The following HKDC1 variants were observed in gnomAD, a reference collection of about 807,000 sequenced individuals.
The protein encoded by HKDC1 is hexokinase domain containing 1, also known as hexokinase HKDC1.
HKDC1 carries 66 observed loss-of-function variants against 96.6 expected under a neutral mutation model. That is an observed-to-expected ratio of 0.68 (90% CI 0.56 to 0.84). The LOEUF (loss-of-function observed/expected upper bound fraction) is 0.84, where lower values mean the gene tolerates loss of function less well. HKDC1 is among the 40% of genes least tolerant of loss of function. The pLI, the probability that HKDC1 is intolerant of heterozygous loss-of-function variation, is 0.00. For missense variants in HKDC1, 1,211 were observed against 1,208.1 expected, an observed-to-expected ratio of 1.00 and a Z score of -0.04; for synonymous variants, 466 against 473.1, an observed-to-expected ratio of 0.98 and a Z score of 0.20.
Position 69,248,407 on chromosome 10 carries a change from C to T in HKDC1, c.1266-17C>T. The T allele has an allele frequency of 6.5e-7, 1 of 1,534,532 alleles. No homozygotes were observed. The highest frequency in any genetic ancestry group is 8.8e-7 in the Non-Finnish European group (1 of 1,138,886). ...CCTTTATGATTGCTAAATATTTTGC[C>T]ATCACCCCTGCTTCAGGTACCCAAA... On this transcript the variant is annotated splice_polypyrimidine_tract_variant and intron_variant, in intron 9 of 17. Transcript: ENST00000354624.
At chr10:69,260,939 A>G (rs1188528723) in intron 15 of HKDC1, among the ~76,000 whole-genome samples, 200 bp from the exon 16 acceptor site, 1 of 152,110 alleles carries the variant, frequency 6.6e-6, no homozygotes. Context: ...CTTGCCTCCT[A>G]ACAGTCTTGT....
chr10:69,258,817 A>T lies in HKDC1; in HGVS notation c.2074A>T (p.Ile692Phe), dbSNP rs142106143. 6.2e-7 allele frequency: 1 copy of T among 1,614,108 alleles called. No homozygotes were observed. Residue 692 changes from isoleucine (I) to phenylalanine (F), a missense_variant, in exon 15 of 18, where the codon ATC becomes TTC. By Grantham distance (21) the Ile-to-Phe change is conservative. Transcript: ENST00000354624. ...GTGCTACATGGAGGACATGAGGAAC[A>T]TCGAGATGGTGGAGGGGGGTGAAGG... is the stretch of plus-strand genomic sequence containing the variant. Reference protein sequence around the residue: ...NMCYMEDMRNIEMVEGGEGKM... With the variant: ...NMCYMEDMRNFEMVEGGEGKM...
chr10:69,228,714 C>T (rs1294380044), intron 2 of HKDC1, among the ~76,000 whole-genome samples: 1 of 151,904 alleles, frequency 6.6e-6, no homozygotes, highest in Non-Finnish European at 1.5e-5. Context: ...AAAAATACAA[C>T]AATTAGCCAG....
At chr10:69,245,615 A>G (rs906545863) in intron 7 of HKDC1, among the ~76,000 whole-genome samples, 101 of 137,032 alleles carry the variant, frequency 7.4e-4, no homozygotes, top group African/African-American at 2.5e-3. Flanking sequence ...ATAATGTTCA[A>G]TAGTCTGCCT....
chr10:69,227,136 C>G, intron 1 of HKDC1, 71 bp from the exon 2 acceptor site: 1 of 1,542,626 alleles, frequency 6.5e-7, no homozygotes, highest in Middle Eastern at 1.8e-4. Context: ...TGAGGGATGT[C>G]GGGGGTTACA....
At chr10:69,239,453 C>A (rs1843419980) in intron 5 of HKDC1, among the ~76,000 whole-genome samples, 1 of 152,210 alleles carries the variant, frequency 6.6e-6, no homozygotes, top group Admixed American at 6.5e-5. Flanking sequence ...GCCCCACACG[C>A]CCTCCTCTCT....
intron 12 of HKDC1, among the ~76,000 whole-genome samples, chr10:69,252,606 C>T (rs1589414190): frequency 1.4e-5 from 2 of 146,908 alleles, no homozygotes; most frequent in African/African-American, 5.0e-5. Context: ...GATCGTGCCA[C>T]TGCACTCCAG....
chr10:69,254,616 C>T (rs1479784344), intron 12 of HKDC1, among the ~76,000 whole-genome samples: 1 of 152,102 alleles, frequency 6.6e-6, no homozygotes, highest in Non-Finnish European at 1.5e-5. Flanking sequence ...AAAATGATTA[C>T]AAAAATAGAA....
intron 4 of HKDC1, among the ~76,000 whole-genome samples, chr10:69,236,634 G>A (rs1843365134): frequency 6.6e-6 from 1 of 151,856 alleles, no homozygotes; most frequent in Admixed American, 6.5e-5. Flanking sequence ...CACAAAATTA[G>A]TCGGGCGTGG....
In HKDC1 at chr10:69,267,456, C is replaced by T. The variant is rs763141217; in HGVS notation, c.*699C>T. ...TCTGGGGCATCTGTTTTTCATTTTGCCTGTGGTTTGTGTTGCAGGTGTTGA... is the reference window on the plus strand; with the variant it reads ...TCTGGGGCATCTGTTTTTCATTTTGTCTGTGGTTTGTGTTGCAGGTGTTGA... On this transcript the variant is annotated 3_prime_UTR_variant, in exon 18 of 18. Transcript: ENST00000354624. The T allele has an allele frequency of 3.7e-5, 17 of 455,128 alleles. No individual in the cohort carries two copies. The East Asian group carries it at 6.3e-4, about 17-fold the overall frequency. The allele number at this position is 455,128 out of a possible 1,614,324, so 28.2% of individuals were successfully genotyped here. A position where few individuals can be genotyped will look rare whatever the true frequency, so the allele number is the denominator to read the frequency against.
chr10:69,224,218 TAAATA>T (rs979961113), intron 1 of HKDC1, among the ~76,000 whole-genome samples: 1 of 152,098 alleles, frequency 6.6e-6, no homozygotes, highest in African/African-American at 2.4e-5. Flanking sequence ...AAAAATAAAA[TAAATA>T]AAATAAAAGT....
intron 6 of HKDC1, 87 bp downstream of exon 6, chr10:69,240,838 G>A (rs553955494): frequency 3.3e-5 from 31 of 936,752 alleles, no homozygotes; most frequent in Admixed American, 3.2e-4. Flanking sequence ...TGAATTCGGC[G>A]GGAAGGGCAC....
Position 69,265,800 on chromosome 10 carries a change from T to C in HKDC1, c.2588T>C (p.Leu863Pro). ...LRITVGVDGT[L>P]YKLHPHFSRI... The stretch of plus-strand genomic sequence containing the variant: ...ATCACTGTGGGTGTGGACGGCACCC[T>C]GTACAAGCTGCACCCTCAGTGAGTG... The change falls in exon 17 of 18, where the codon CTG (leucine) becomes CCG (proline). Residue 863 changes from leucine (L) to proline (P), a missense_variant. Physicochemically the swap from Leu to Pro is moderately conservative, Grantham distance 98 (BLOSUM62 -3). Transcript: ENST00000354624. The C allele has an allele frequency of 1.2e-6, 2 of 1,611,294 alleles. No homozygotes were observed. Among genetic ancestry groups the C allele is most frequent in the Non-Finnish European group, 1.7e-6 (2 of 1,178,474 alleles).
chr10:69,260,632 A>G (rs1246150075), intron 15 of HKDC1, among the ~76,000 whole-genome samples: 6 of 152,094 alleles, frequency 3.9e-5, no homozygotes, highest in Admixed American at 3.9e-4. Flanking sequence ...GCTCTGTGTC[A>G]CTGTTGTTAA....
intron 15 of HKDC1, among the ~76,000 whole-genome samples, chr10:69,260,707 T>C (rs1426939310): frequency 3.9e-5 from 6 of 152,096 alleles, no homozygotes; most frequent in Non-Finnish European, 8.8e-5. Flanking sequence ...GCCCCTTTTC[T>C]CTCTTGCTCT....
At chr10:69,241,480 A>AT (rs1464600890) in intron 6 of HKDC1, among the ~76,000 whole-genome samples, 5 of 151,956 alleles carry the variant, frequency 3.3e-5, no homozygotes, top group Non-Finnish European at 5.9e-5. Context: ...ATGGATGCGC[A>AT]TTTTATTTTA....
rs1843909724 is a variant in HKDC1, at chr10:69,266,874, G to A, written c.*117G>A. 16 of 997,562 alleles carry A rather than the reference G, an allele frequency of 1.6e-5. No individual in the cohort carries two copies. The highest frequency in any genetic ancestry group is 5.2e-5 in the South Asian group (3 of 57,518). The allele number at this position is 997,562 out of a possible 1,614,324, so 61.8% of individuals were successfully genotyped here. A position where few individuals can be genotyped will look rare whatever the true frequency, so the allele number is the denominator to read the frequency against. On this transcript the variant is annotated 3_prime_UTR_variant, in exon 18 of 18. Coordinates refer to ENST00000354624, the MANE Select transcript of HKDC1 (RefSeq NM_025130.4). ...GGCTGACCTCACCTTCTGGATGGCCGAAAGAGAACCCCAGGTTCTCGGGTA... is the reference window on the plus strand; with the variant it reads ...GGCTGACCTCACCTTCTGGATGGCCAAAAGAGAACCCCAGGTTCTCGGGTA...
rs1412062559 is a variant in HKDC1, at chr10:69,246,245, C to A, written c.1031+11C>A. The A allele has an allele frequency of 2.5e-6, 4 of 1,612,784 alleles. No individual in the cohort carries two copies. The highest frequency in any genetic ancestry group is 3.4e-6 in the Non-Finnish European group (4 of 1,179,662). On this transcript the variant is annotated intron_variant, in intron 8 of 17. Coordinates refer to ENST00000354624, the MANE Select transcript of HKDC1 (RefSeq NM_025130.4). Reference sequence around the variant, plus strand: ...GGCTGCCATGGAGAAGTAAGCAAGTCCCTCTGCCTTGGCTCTGTGGAGGGC... The same window carrying A: ...GGCTGCCATGGAGAAGTAAGCAAGTACCTCTGCCTTGGCTCTGTGGAGGGC...
At chr10:69,238,990 T>C in intron 4 of HKDC1, 52 bp from the exon 5 acceptor site, 1 of 1,343,512 alleles carries the variant, frequency 7.4e-7, no homozygotes, top group South Asian at 1.2e-5. Context: ...GCGGCTCAGT[T>C]GCACATCTCA....
Sources: allele counts gnomAD v4.1 joint callset (sites outside exome capture counted in the v4.1 genomes callset), GRCh38; gene constraint gnomAD v4.1.1; transcripts MANE v1.5; gene names NCBI Gene and HGNC (gene_info 2026-07-23, HGNC 2026-07-21).